The following EXT1 variants were observed in gnomAD, a reference collection of about 807,000 sequenced individuals.
The protein encoded by EXT1 is exostosin-1.
A neutral mutation model predicts 82.5 loss-of-function variants in EXT1; 20 were observed. The ratio of observed to expected loss-of-function variants is 0.24; its 90% confidence interval spans 0.17 to 0.35. The LOEUF is 0.35. Among genes scored for constraint, EXT1 ranks in the 10% least tolerant of loss-of-function variants. The pLI, the probability that EXT1 is intolerant of heterozygous loss-of-function variation, is 1.00. For missense variants in EXT1, 757 were observed against 936.5 expected, an observed-to-expected ratio of 0.81 and a Z score of 2.50; for synonymous variants, 348 against 350.8, an observed-to-expected ratio of 0.99 and a Z score of 0.09.
chr8:117,922,909 C>T (rs900701403), intron 1 of EXT1, among the ~76,000 whole-genome samples: 1 of 152,232 alleles, frequency 6.6e-6, no homozygotes, highest in Admixed American at 6.5e-5. Context: ...GCTAAAGAGG[C>T]AACCCTTTCT....
intron 1 of EXT1, among the ~76,000 whole-genome samples, chr8:118,026,540 T>C (rs987630580): frequency 3.3e-5 from 5 of 152,066 alleles, no homozygotes; most frequent in African/African-American, 9.7e-5. Context: ...TAGCAATCAA[T>C]ATATTCATCA....
chr8:117,802,366 C>T (rs1307209728), intron 10 of EXT1, among the ~76,000 whole-genome samples: 1 of 152,168 alleles, frequency 6.6e-6, no homozygotes, highest in Non-Finnish European at 1.5e-5. Flanking sequence ...TACAGTCATG[C>T]ACCACATAAT....
At chr8:118,021,567 G>A (rs2129858131) in intron 1 of EXT1, among the ~76,000 whole-genome samples, 1 of 152,246 alleles carries the variant, frequency 6.6e-6, no homozygotes, top group South Asian at 2.1e-4. Flanking sequence ...GTCACCCTGG[G>A]TCAGAGTAGA....
intron 1 of EXT1, among the ~76,000 whole-genome samples, chr8:117,999,810 A>G (rs899780494): frequency 2.0e-5 from 3 of 152,236 alleles, no homozygotes; most frequent in Non-Finnish European, 4.4e-5. Context: ...CTAGAAAGAA[A>G]GAAAGATTCT....
intron 1 of EXT1, among the ~76,000 whole-genome samples, chr8:118,088,447 A>C (rs1817466676): frequency 6.6e-6 from 1 of 151,828 alleles, no homozygotes; most frequent in African/African-American, 2.4e-5. Flanking sequence ...CCACCACAGA[A>C]GGACATGTCA....
chr8:118,044,827 G>A (rs886333960), intron 1 of EXT1, among the ~76,000 whole-genome samples: 4 of 152,162 alleles, frequency 2.6e-5, no homozygotes, highest in African/African-American at 9.6e-5. Context: ...GCGCCCCACC[G>A]CATGCTTTTG....
At chr8:117,965,165 C>T (rs1276117704) in intron 1 of EXT1, among the ~76,000 whole-genome samples, 1 of 151,886 alleles carries the variant, frequency 6.6e-6, no homozygotes, top group Admixed American at 6.6e-5. Flanking sequence ...CATTGAAAGA[C>T]ACAACCAGCG....
Position 117,819,762 on chromosome 8 carries a change from T to C in EXT1, c.1450A>G (p.Ile484Val), listed in dbSNP as rs763107867. 6.2e-7 allele frequency: 1 copy of C among 1,613,372 alleles called. No individual in the cohort carries two copies. Among genetic ancestry groups the C allele is most frequent in the Non-Finnish European group, 8.5e-7 (1 of 1,180,008 alleles). ...LKPPSKFTAV[I>V]HAVTPLVSQS... ...GAGACCAGGGGGGTCACCGCATGGATGACTGCAGTGAATTTGGAGGGGGGC... is the reference window on the plus strand; with the variant it reads ...GAGACCAGGGGGGTCACCGCATGGACGACTGCAGTGAATTTGGAGGGGGGC... Residue 484 changes from isoleucine (I) to valine (V), a missense_variant, in exon 6 of 11, where the codon ATC (isoleucine) becomes GTC (valine). By Grantham distance (29) the Ile-to-Val change is conservative (BLOSUM62 3). Around this residue, in one of 4 missense-constraint regions of EXT1, gnomAD observed 207 missense variants for 224.2 expected, o/e 0.92. Transcript: ENST00000378204.
chr8:117,848,396 T>A (rs1013812971), intron 1 of EXT1, among the ~76,000 whole-genome samples: 1 of 152,122 alleles, frequency 6.6e-6, no homozygotes, highest in African/African-American at 2.4e-5. Context: ...GAATCACCTC[T>A]CCCTCCTCCT....
intron 1 of EXT1, among the ~76,000 whole-genome samples, chr8:117,896,889 C>T (rs1165583278): frequency 2.0e-5 from 3 of 152,030 alleles, no homozygotes; most frequent in African/African-American, 7.2e-5. Flanking sequence ...AGGTTCTAGC[C>T]CTAAGGGAGA....
chr8:117,847,091 G>A (rs17503593), intron 1 of EXT1, among the ~76,000 whole-genome samples: 1 of 152,040 alleles, frequency 6.6e-6, no homozygotes, highest in Non-Finnish European at 1.5e-5. Context: ...CTACCTTAAG[G>A]GCCGGCCTAC....
chr8:118,101,472 C>T (rs1357751108), intron 1 of EXT1, among the ~76,000 whole-genome samples: 1 of 152,226 alleles, frequency 6.6e-6, no homozygotes, highest in African/African-American at 2.4e-5. Flanking sequence ...AAATTTACCT[C>T]CTATGGTCCA....
At chr8:118,082,988 T>C (rs965748775) in intron 1 of EXT1, among the ~76,000 whole-genome samples, 3 of 152,238 alleles carry the variant, frequency 2.0e-5, no homozygotes, top group African/African-American at 7.2e-5. Context: ...TCTCAATCTC[T>C]GTCACCAGGA....
intron 1 of EXT1, among the ~76,000 whole-genome samples, chr8:117,991,133 C>T (rs1476262221): frequency 2.0e-5 from 3 of 150,870 alleles, no homozygotes; most frequent in Non-Finnish European, 4.4e-5. Flanking sequence ...TTTAGATGGA[C>T]CCTCGCTCTG....
chr8:118,089,252 T>C (rs2129996092), intron 1 of EXT1, among the ~76,000 whole-genome samples: 1 of 152,296 alleles, frequency 6.6e-6, no homozygotes, highest in East Asian at 1.9e-4. Context: ...GTACTCCTCA[T>C]TCTCAAAGAA....
At chr8:118,061,574 G>A (rs539989372) in intron 1 of EXT1, among the ~76,000 whole-genome samples, 12 of 152,266 alleles carry the variant, frequency 7.9e-5, no homozygotes, top group African/African-American at 2.9e-4. Flanking sequence ...AACATAAAAA[G>A]GTAAATTCTC....
At chr8:117,883,841 G>A (rs574235663) in intron 1 of EXT1, among the ~76,000 whole-genome samples, 1 of 152,180 alleles carries the variant, frequency 6.6e-6, no homozygotes, top group East Asian at 1.9e-4. Flanking sequence ...ACTGCAGTCC[G>A]ACTTGAATGT....
At position 118,111,240 on chromosome 8, in the gene EXT1, C is replaced by T. The variant is rs1279526260; in HGVS notation, c.-194G>A. 1 of 788,126 alleles carries T rather than the reference C, an allele frequency of 1.3e-6. No homozygotes were observed. The highest frequency in any genetic ancestry group is 2.7e-5 in the East Asian group (1 of 37,462). 48.8% of individuals were successfully genotyped at this position (788,126 alleles called of 1,614,324 possible). A position where few individuals can be genotyped will look rare whatever the true frequency, so the allele number is the denominator to read the frequency against. On this transcript the variant is annotated 5_prime_UTR_variant, in exon 1 of 11. Coordinates refer to ENST00000378204, the MANE Select transcript of EXT1 (RefSeq NM_000127.3). ...TGTGGGCGATTTCTTTAACTTTCTC[C>T]CCTTCGGTCTTTCATCTTTGGGTTG...
chr8:118,109,904 C>T (rs1033650401), intron 1 of EXT1, among the ~76,000 whole-genome samples, 181 bp downstream of exon 1: 1 of 152,246 alleles, frequency 6.6e-6, no homozygotes, highest in South Asian at 2.1e-4. Flanking sequence ...CCGAGGAGCT[C>T]CAACTCTCTG....
Sources: allele counts gnomAD v4.1 joint callset (sites outside exome capture counted in the v4.1 genomes callset), GRCh38; gene constraint gnomAD v4.1.1; regional missense constraint gnomAD v4.1.1; transcripts MANE v1.5; gene names NCBI Gene and HGNC (gene_info 2026-07-23, HGNC 2026-07-21).